CRISP2: variants seen among roughly 807,000 people sequenced by gnomAD.
The protein encoded by CRISP2 is cysteine-rich secretory protein 2.
A neutral mutation model predicts 31.7 loss-of-function variants in CRISP2; 29 were observed. The ratio of observed to expected loss-of-function variants is 0.92; its 90% CI spans 0.68 to 1.25. The LOEUF is 1.25. Ranked by LOEUF, CRISP2 falls within the 50% of genes most tolerant of loss-of-function variation. CRISP2 has a pLI of 0.00. For synonymous variants in CRISP2, 111 were observed against 101.4 expected (o/e 1.09, Z -0.57); for missense variants, 318 against 286.5 (o/e 1.11, Z -0.79).
rs769500059 is a variant in CRISP2, at chr6:49,692,889, G to A, written c.616C>T (p.Gln206Ter). 2.5e-6 allele frequency: 4 copies of A among 1,613,104 alleles called. No individual in the cohort carries two copies. In the Admixed American group the frequency reaches 6.7e-5, roughly 27 times the overall value. ...CAGTTACTTAGGAGATCTTGATACT[G>A]GCAACTATTGGCTGTAACAAAAACA... The part of the protein sequence containing the change: ...CDKGLCTNSC[Q>*]YQDLLSNCDS... Residue 206 changes from glutamine to a stop codon, truncating the protein, a stop_gained, in exon 10 of 10, where the codon CAG (glutamine) becomes TAG (stop). Coordinates refer to ENST00000339139, the MANE Select transcript of CRISP2 (RefSeq NM_003296.4). LOFTEE classifies it low-confidence loss of function (END_TRUNC).
At chr6:49,685,423 G>A in the CRISP2 span, among the ~76,000 whole-genome samples, 9 of 152,206 alleles carry the variant, frequency 5.9e-5, no homozygotes, top group Non-Finnish European at 8.8e-5. Context: ...GTATTTCCCT[G>A]ACAGCTCTGT....
chr6:49,708,923 T>C (rs1394926103), intron 4 of CRISP2, among the ~76,000 whole-genome samples: 1 of 152,200 alleles, frequency 6.6e-6, no homozygotes, highest in Non-Finnish European at 1.5e-5. Context: ...AGTAGTCACA[T>C]GTGACCGGTG....
At chr6:49,678,156 A>G in the CRISP2 span, among the ~76,000 whole-genome samples, 76,602 of 151,450 alleles carry the variant, frequency 0.51, 19,718 homozygotes, top group East Asian at 0.76. Context: ...AGAATACTAG[A>G]AAGGTGTTCA....
intron 3 of CRISP2, among the ~76,000 whole-genome samples, 199 bp from the exon 4 acceptor site, chr6:49,709,404 T>C (rs1054611716): frequency 6.6e-6 from 1 of 152,078 alleles, no homozygotes. Flanking sequence ...ATAGTGACAA[T>C]AAAGAAAAAG....
the CRISP2 span, among the ~76,000 whole-genome samples, chr6:49,677,297 C>G: frequency 6.6e-6 from 1 of 152,042 alleles, no homozygotes; most frequent in Non-Finnish European, 1.5e-5. Flanking sequence ...AATTTACATG[C>G]CCCAAGCATT....
chr6:49,695,999 A>G (rs1764675159), intron 8 of CRISP2, 75 bp from the exon 9 acceptor site: 2 of 854,234 alleles, frequency 2.3e-6, no homozygotes, highest in Non-Finnish European at 3.7e-6. Context: ...GTCATCAAAT[A>G]TACATAAATA....
intron 9 of CRISP2, among the ~76,000 whole-genome samples, chr6:49,693,521 A>C (rs1262828641): frequency 1.3e-5 from 2 of 152,132 alleles, no homozygotes; most frequent in Non-Finnish European, 1.5e-5. Flanking sequence ...TTCTACTTGG[A>C]TGTTCCCTAG....
the CRISP2 span, among the ~76,000 whole-genome samples, chr6:49,676,730 C>A: frequency 6.6e-6 from 1 of 152,060 alleles, no homozygotes; most frequent in Non-Finnish European, 1.5e-5. Flanking sequence ...CACAAATTTG[C>A]TCCATGAAGG....
In CRISP2 at chr6:49,701,683, C is replaced by T. The variant is rs1390802886; in HGVS notation, c.67-899G>A. On this transcript the variant is annotated intron_variant, in intron 4 of 9. Transcript: ENST00000339139. ...TATATGTATACATTATATATGTATA[C>T]ATTATATATGTATACATTATGTATA... Among the ~76,000 whole-genome samples, 16 of 115,384 alleles carry T rather than the reference C, an allele frequency of 1.4e-4. 1 individual carries two copies. The highest frequency in any genetic ancestry group is 2.5e-4 in the Non-Finnish European group (15 of 59,134). The allele number at this position is 115,384 out of a possible 152,430, so 75.7% of individuals were successfully genotyped here. A position where few individuals can be genotyped will look rare whatever the true frequency, so the allele number is the denominator to read the frequency against.
the CRISP2 span, among the ~76,000 whole-genome samples, chr6:49,683,401 G>T: frequency 6.6e-6 from 1 of 150,740 alleles, no homozygotes; most frequent in Non-Finnish European, 1.5e-5. Flanking sequence ...ACAGCCGGGC[G>T]CAGTGGCTCA....
rs1168419786 is a variant in CRISP2 at position 49,698,504 on chromosome 6, G to A, written c.275C>T (p.Thr92Ile). 1.2e-6 allele frequency: 2 copies of A among 1,605,704 alleles called. No individual in the cohort carries two copies. Among genetic ancestry groups the A allele is most frequent in the Admixed American group, 1.7e-5 (1 of 57,466 alleles). Residue 92 changes from threonine to isoleucine, a missense_variant, in exon 7 of 10, where the codon ACA (threonine) becomes ATA (isoleucine). Transcript: ENST00000339139. The part of the protein sequence containing the change: ...HSDPEDRKTS[T>I]RCGENLYMSS... ...CATATAGAGATTCTCACCACATCTTGTACCTAAGGGGCAGATCATTCATGA... is the reference window on the plus strand; with the variant it reads ...CATATAGAGATTCTCACCACATCTTATACCTAAGGGGCAGATCATTCATGA...
chr6:49,702,974 C>T (rs1215006056), intron 4 of CRISP2, among the ~76,000 whole-genome samples: 6 of 152,014 alleles, frequency 3.9e-5, no homozygotes, highest in Non-Finnish European at 7.4e-5. Flanking sequence ...GTATTTGATC[C>T]ATCTTGAGTT....
At chr6:49,678,973 G>T in the CRISP2 span, among the ~76,000 whole-genome samples, 3 of 152,108 alleles carry the variant, frequency 2.0e-5, no homozygotes, top group African/African-American at 7.2e-5. Context: ...AATACACTTT[G>T]CCTCCCTATC....
chr6:49,682,587 T>TTTTCTTTCTTTCTTTC, the CRISP2 span, among the ~76,000 whole-genome samples: 7 of 83,660 alleles, frequency 8.4e-5, no homozygotes, highest in Non-Finnish European at 1.6e-4. Flanking sequence ...CTTTCTTTCT[T>TTTTCTTTCTTTCTTTC]TTTCTTTCTT....
At chr6:49,698,855 T>G (rs897548075) in intron 6 of CRISP2, among the ~76,000 whole-genome samples, 4 of 152,122 alleles carry the variant, frequency 2.6e-5, no homozygotes, top group African/African-American at 7.2e-5. Context: ...TATATTCTGT[T>G]TTCTGCTCTA....
chr6:49,698,284 T>C (rs1765114709), intron 7 of CRISP2, 78 bp downstream of exon 7: 1 of 1,500,104 alleles, frequency 6.7e-7, no homozygotes, highest in African/African-American at 1.4e-5. Context: ...AAATTGAACA[T>C]TACAGTGGTC....
the CRISP2 span, among the ~76,000 whole-genome samples, chr6:49,679,647 C>T: frequency 6.6e-6 from 1 of 151,752 alleles, no homozygotes; most frequent in African/African-American, 2.4e-5. Context: ...AGTTAGAACA[C>T]ACATTGCTGA....
chr6:49,699,811 G>A lies in CRISP2; in HGVS notation c.264C>T (p.Arg88=), dbSNP rs547231588. The A allele has an allele frequency of 8.1e-6, 13 of 1,607,832 alleles. No individual in the cohort carries two copies. The highest frequency in any genetic ancestry group is 1.7e-4 in the Middle Eastern group (1 of 6,058). ...CTLQHSDPED[R]KTSTRCGENL... is the part of the protein sequence containing the mutation. ...ATTTACTAATTTACATACTGGTTTT[G>A]CGGTCCTCTGGATCACTATGTTGTA... The change falls in exon 6 of 10, where the codon CGC becomes CGT. Residue 88 remains arginine (R), a synonymous_variant. Transcript: ENST00000339139.
the CRISP2 span, among the ~76,000 whole-genome samples, chr6:49,685,978 A>G: frequency 6.6e-6 from 1 of 152,112 alleles, no homozygotes. Flanking sequence ...GTCATCCTCC[A>G]ACCAGCCCAC....
Sources: allele counts gnomAD v4.1 joint callset (sites outside exome capture counted in the v4.1 genomes callset), GRCh38; gene constraint gnomAD v4.1.1; transcripts MANE v1.5; gene names NCBI Gene and HGNC (gene_info 2026-07-23, HGNC 2026-07-21).